The following GRM7 variants were observed in gnomAD, a reference collection of about 807,000 sequenced individuals.
GRM7 encodes glutamate metabotropic receptor 7.
In GRM7, 35 loss-of-function variants were observed where a neutral mutation model predicts 84.5. That is an observed-to-expected ratio of 0.41 (90% CI 0.32 to 0.55). The LOEUF (loss-of-function observed/expected upper bound fraction) is 0.55, where lower values mean the gene tolerates loss of function less well. Among genes scored for constraint, GRM7 ranks in the 20% least tolerant of loss-of-function variants. The pLI is 0.19. For missense variants in GRM7, 1,003 were observed against 1,194.6 expected (o/e 0.84, Z 2.36); for synonymous variants, 487 against 455.1 (o/e 1.07, Z -0.89).
rs547845541 is a variant in GRM7 at position 6,931,727 on chromosome 3, T to G, written c.519+69820T>G. Among the ~76,000 whole-genome samples the G allele has an allele frequency of 6.6e-5, 10 of 152,342 alleles. No homozygotes were observed. The South Asian group carries it at 1.4e-3, about 22-fold the overall frequency. ...TTGATATGTTTATTTGTGTATTTAT[T>G]ACCCCCTGCACCAAATGCTAAACTC... On this transcript the variant is annotated intron_variant, in intron 1 of 9. Transcript: ENST00000357716.
intron 1 of GRM7, among the ~76,000 whole-genome samples, chr3:7,108,741 G>A (rs1174449665): frequency 3.3e-5 from 5 of 151,980 alleles, no homozygotes; most frequent in Non-Finnish European, 7.4e-5. Context: ...CCCATGAAAG[G>A]CAAAATAATA....
Position 7,701,445 on chromosome 3 carries a change from C to T in GRM7, c.2698+21150C>T, listed in dbSNP as rs141778328. Among the ~76,000 whole-genome samples the T allele has an allele frequency of 3.7e-3, 561 of 152,028 alleles. 4 individuals are homozygous for T. The highest frequency in any genetic ancestry group is 0.013 in the African/African-American group (539 of 41,472). ...CCTCCTGAGTAGCTGGGACTACAGG[C>T]GCACACCACCACACCCAGGTGATTT... On this transcript the variant is annotated intron_variant, in intron 9 of 9. Coordinates refer to ENST00000357716, the MANE Select transcript of GRM7 (RefSeq NM_000844.4).
chr3:7,136,116 A>C (rs1228520417), intron 1 of GRM7, among the ~76,000 whole-genome samples: 1 of 152,082 alleles, frequency 6.6e-6, no homozygotes, highest in African/African-American at 2.4e-5. Context: ...ATACATGCAT[A>C]ATATTTCTTT....
intron 4 of GRM7, among the ~76,000 whole-genome samples, chr3:7,377,102 A>C (rs528408796): frequency 2.0e-5 from 3 of 152,324 alleles, no homozygotes; most frequent in African/African-American, 7.2e-5. Context: ...TGCACTAACT[A>C]CTTATTTTTC....
chr3:7,103,245 T>A (rs1300268100), intron 1 of GRM7, among the ~76,000 whole-genome samples: 1 of 151,840 alleles, frequency 6.6e-6, no homozygotes, highest in African/African-American at 2.4e-5. Flanking sequence ...GTGGAAACTT[T>A]GTTTCATGCA....
intron 7 of GRM7, 58 bp downstream of exon 7, chr3:7,461,780 T>G (rs929364691): frequency 1.7e-5 from 25 of 1,509,376 alleles, no homozygotes; most frequent in Non-Finnish European, 2.2e-5. Flanking sequence ...GACTTTTAAT[T>G]TGCTCAGTTA....
chr3:7,688,516 A>G (rs564925719), intron 9 of GRM7, among the ~76,000 whole-genome samples: 3 of 152,316 alleles, frequency 2.0e-5, no homozygotes, highest in East Asian at 3.9e-4. Context: ...AATGATAAAC[A>G]TTTTGTAGAA....
chr3:7,194,706 G>C (rs1449129858), intron 2 of GRM7, among the ~76,000 whole-genome samples: 4 of 152,086 alleles, frequency 2.6e-5, no homozygotes, highest in Admixed American at 6.6e-5. Flanking sequence ...TTAACCTCTT[G>C]ATGACTCAAT....
intron 8 of GRM7, among the ~76,000 whole-genome samples, chr3:7,644,220 ATGTGTG>A (rs879807848): frequency 3.5e-5 from 5 of 143,468 alleles, no homozygotes; most frequent in East Asian, 2.1e-4. Context: ...GTACATATAT[ATGTGTG>A]TGTCTGTACA....
At chr3:7,526,914 G>A (rs1053276821) in intron 7 of GRM7, among the ~76,000 whole-genome samples, 4 of 151,964 alleles carry the variant, frequency 2.6e-5, no homozygotes, top group African/African-American at 9.7e-5. Flanking sequence ...GTACCATGTT[G>A]TTTTGGTTAC....
intron 5 of GRM7, among the ~76,000 whole-genome samples, chr3:7,436,102 C>T (rs927551083): frequency 6.6e-6 from 1 of 151,630 alleles, no homozygotes; most frequent in African/African-American, 2.4e-5. Flanking sequence ...CTGCCTTGGC[C>T]TCCCAAAGTG....
intron 1 of GRM7, among the ~76,000 whole-genome samples, chr3:6,978,645 C>G (rs1694086805): frequency 6.6e-6 from 1 of 152,024 alleles, no homozygotes. Flanking sequence ...TACCACTTTT[C>G]TTGATGGGAG....
intron 4 of GRM7, among the ~76,000 whole-genome samples, chr3:7,326,180 AG>A (rs372747510): frequency 0.064 from 9,603 of 150,480 alleles, 723 homozygotes; most frequent in African/African-American, 0.19. Flanking sequence ...CAAAAAAAAA[AG>A]AAAAAAAAAC....
chr3:7,448,536 G>A (rs887417522), intron 5 of GRM7, among the ~76,000 whole-genome samples: 1 of 152,130 alleles, frequency 6.6e-6, no homozygotes, highest in Non-Finnish European at 1.5e-5. Flanking sequence ...GAGGAGTAGG[G>A]ATGGTATATG....
chr3:6,961,121 C>T (rs542499389), intron 1 of GRM7, among the ~76,000 whole-genome samples: 1 of 152,300 alleles, frequency 6.6e-6, no homozygotes, highest in African/African-American at 2.4e-5. Flanking sequence ...TCTCTTCCAC[C>T]TGATTTCAGC....
chr3:6,990,431 C>T (rs982338596), intron 1 of GRM7, among the ~76,000 whole-genome samples: 6 of 152,146 alleles, frequency 3.9e-5, no homozygotes, highest in African/African-American at 1.4e-4. Flanking sequence ...TTAGGAATCA[C>T]ATATAAATAC....
At chr3:7,480,455 G>C (rs1485530783) in intron 7 of GRM7, among the ~76,000 whole-genome samples, 1 of 152,186 alleles carries the variant, frequency 6.6e-6, no homozygotes, top group African/African-American at 2.4e-5. Context: ...TTTGGGTTTA[G>C]AACTGTGTTA....
chr3:7,719,418 C>T (rs193029060), intron 9 of GRM7, among the ~76,000 whole-genome samples: 9 of 152,106 alleles, frequency 5.9e-5, no homozygotes, highest in African/African-American at 2.2e-4. Flanking sequence ...TCACTAAAGG[C>T]CTAAGGGATT....
intron 7 of GRM7, among the ~76,000 whole-genome samples, chr3:7,529,615 T>A (rs1700949097): frequency 6.6e-6 from 1 of 152,146 alleles, no homozygotes; most frequent in Non-Finnish European, 1.5e-5. Context: ...TTCTCATAAC[T>A]TGGTTCCTAG....
Sources: allele counts gnomAD v4.1 joint callset (sites outside exome capture counted in the v4.1 genomes callset), GRCh38; gene constraint gnomAD v4.1.1; transcripts MANE v1.5; gene names NCBI Gene and HGNC (gene_info 2026-07-23, HGNC 2026-07-21).